Variants in POFUT2 observed in about 807,000 individuals in gnomAD.
POFUT2 encodes GDP-fucose protein O-fucosyltransferase 2.
POFUT2 carries 30 observed loss-of-function variants against 55.0 expected under a neutral mutation model. That is an observed-to-expected ratio of 0.55 (90% CI 0.41 to 0.74). The LOEUF is 0.74. Among genes scored for constraint, POFUT2 ranks in the 30% least tolerant of loss-of-function variants. The pLI, the probability that POFUT2 is intolerant of heterozygous loss-of-function variation, is 0.00. For missense variants in POFUT2, 524 were observed against 562.6 expected (o/e 0.93, Z 0.69); for synonymous variants, 267 against 231.1 (o/e 1.16, Z -1.41).
chr21:45,287,785 T>G lies in POFUT2; in HGVS notation c.87A>C (p.Gly29=). The G allele has an allele frequency of 4.0e-6, 6 of 1,491,900 alleles. No individual in the cohort carries two copies. The highest frequency in any genetic ancestry group is 4.5e-6 in the Non-Finnish European group (5 of 1,114,912). The allele number at this position is 1,491,900 out of a possible 1,614,324, so 92.4% of individuals were successfully genotyped here. A position where few individuals can be genotyped will look rare whatever the true frequency, so the allele number is the denominator to read the frequency against. Residue 29 remains glycine, a synonymous_variant, in exon 1 of 9, where the codon GGA becomes GGC. Transcript: ENST00000349485. ...CCGACAGAATATCGGCCGCCGATTG[T>G]CCGGGCCAGAACTCCTGGCCGGAGG... The part of the protein sequence containing the change: ...ASASGQEFWP[G]QSAADILSGA...
chr21:45,277,583 G>T lies in POFUT2; in HGVS notation c.706-441C>A. The T allele has an allele frequency of 4.6e-6, 1 of 218,474 alleles. No homozygotes were observed. Among genetic ancestry groups the T allele is most frequent in the Non-Finnish European group, 9.2e-6 (1 of 108,348 alleles). 13.5% of individuals were successfully genotyped at this position (218,474 alleles called of 1,614,324 possible). The stretch of plus-strand genomic sequence containing the variant: ...CTGTGTCTCCTGCAGGCAGGTTCCG[G>T]CTTTACAAGCTGCTGCCCTGGTGAA... On this transcript the variant is annotated intron_variant, in intron 5 of 8. Coordinates refer to ENST00000349485, the MANE Select transcript of POFUT2 (RefSeq NM_133635.6). The surrounding 1 kb of genome is among the most constrained non-coding windows in gnomAD (Gnocchi z 6.9).
In POFUT2 at chr21:45,283,241, G is replaced by A. The variant is rs564596466; in HGVS notation, c.527+142C>T. The A allele has an allele frequency of 4.6e-4, 204 of 447,164 alleles. 1 individual carries two copies. The highest frequency in any genetic ancestry group is 4.4e-3 in the African/African-American group (178 of 40,324). The allele number at this position is 447,164 out of a possible 1,614,324, so 27.7% of individuals were successfully genotyped here. On this transcript the variant is annotated intron_variant, in intron 3 of 8. Coordinates refer to ENST00000349485, the MANE Select transcript of POFUT2 (RefSeq NM_133635.6). ...TGAAGACACCGTGGCGGGGGGAGGC[G>A]GGGTGCTGCAGGGGGGGCGGGGGGC...
Position 45,282,785 on chromosome 21 carries a change from G to A in POFUT2, c.528-326C>T, listed in dbSNP as rs573624061. The A allele has an allele frequency of 3.9e-6, 2 of 507,046 alleles. No individual in the cohort carries two copies. Among genetic ancestry groups the A allele is most frequent in the Non-Finnish European group, 7.9e-6 (2 of 252,290 alleles). The allele number at this position is 507,046 out of a possible 1,614,324, so 31.4% of individuals were successfully genotyped here. A position where few individuals can be genotyped will look rare whatever the true frequency, so the allele number is the denominator to read the frequency against. On this transcript the variant is annotated intron_variant, in intron 3 of 8. Transcript: ENST00000349485. This position sits in a 1 kb window ranked among gnomAD's most constrained non-coding sequence, Gnocchi z 4.6. ...TGTGACCGTCAGCCAAGTCAACCGCGCCCTTCCCAAGAGCTCACCTGCCAT... is the reference window on the plus strand; with the variant it reads ...TGTGACCGTCAGCCAAGTCAACCGCACCCTTCCCAAGAGCTCACCTGCCAT...
chr21:45,269,748 A>G (rs902873299), intron 7 of POFUT2, 91 bp downstream of exon 7: 1 of 1,276,152 alleles, frequency 7.8e-7, no homozygotes, highest in African/African-American at 1.5e-5. Flanking sequence ...GACCCTGCCA[A>G]AATCCCCGTC....
intron 4 of POFUT2, among the ~76,000 whole-genome samples, chr21:45,278,393 G>A (rs1475060685): frequency 1.3e-5 from 2 of 152,184 alleles, no homozygotes; most frequent in Non-Finnish European, 2.9e-5. Flanking sequence ...TACTGTCAAC[G>A]AACAGAATGA....
chr21:45,265,306 A>G lies in POFUT2; in HGVS notation c.*176T>C. 1 of 462,580 alleles carries G rather than the reference A, an allele frequency of 2.2e-6. No individual in the cohort carries two copies. The highest frequency in any genetic ancestry group is 3.7e-6 in the Non-Finnish European group (1 of 269,954). The allele number at this position is 462,580 out of a possible 1,614,324, so 28.7% of individuals were successfully genotyped here. ...TCTTCATCAGCCATGGCGGCTGGCA[A>G]CGCCGAGGACGGAGCCCAGCTCTAG... On this transcript the variant is annotated 3_prime_UTR_variant, in exon 9 of 9. Transcript: ENST00000349485. The surrounding 1 kb of genome is among the most constrained non-coding windows in gnomAD (Gnocchi z 4.6).
At position 45,285,323 on chromosome 21, in the gene POFUT2, G is replaced by C; in HGVS notation, c.382+355C>G. 2.8e-6 allele frequency: 1 copy of C among 351,772 alleles called. No individual in the cohort carries two copies. The highest frequency in any genetic ancestry group is 2.4e-5 in the South Asian group (1 of 41,332). The allele number at this position is 351,772 out of a possible 1,614,324, so 21.8% of individuals were successfully genotyped here. A position where few individuals can be genotyped will look rare whatever the true frequency, so the allele number is the denominator to read the frequency against. The stretch of plus-strand genomic sequence containing the variant: ...ACGAAGCATACTCCACACGCAGTGC[G>C]TCTTCCTGAACGTAAAACAGCCTTT... On this transcript the variant is annotated intron_variant, in intron 2 of 8. Transcript: ENST00000349485. The surrounding 1 kb of genome is among the most constrained non-coding windows in gnomAD (Gnocchi z 4.9).
rs540064599 is a variant in POFUT2, at chr21:45,265,823, G to A, written c.1137-188C>T. On this transcript the variant is annotated intron_variant, in intron 8 of 8. Coordinates refer to ENST00000349485, the MANE Select transcript of POFUT2 (RefSeq NM_133635.6). This position sits in a 1 kb window ranked among gnomAD's most constrained non-coding sequence, Gnocchi z 4.6. ...TGGCACCCCTCGCTCAGGTGCCCTC[G>A]ACATCGGCGCCCTGAGGGGCTCTGC... The A allele has an allele frequency of 8.2e-5, 116 of 1,407,208 alleles. 1 individual carries two copies. The highest frequency in any genetic ancestry group is 1.2e-4 in the South Asian group (8 of 66,626). 87.2% of individuals were successfully genotyped at this position (1,407,208 alleles called of 1,614,324 possible).
At position 45,287,731 on chromosome 21, in the gene POFUT2, G is replaced by A; in HGVS notation, c.131+10C>T. 3 of 1,329,110 alleles carry A rather than the reference G, an allele frequency of 2.3e-6. No individual in the cohort carries two copies. The highest frequency in any genetic ancestry group is 2.9e-6 in the Non-Finnish European group (3 of 1,021,094). The allele number at this position is 1,329,110 out of a possible 1,614,324, so 82.3% of individuals were successfully genotyped here. ...GAACCCCAGCGTTGGCACCGTGGAC[G>A]CGCGTTTACCGTCTGCGGGAAGCCG... On this transcript the variant is annotated intron_variant, in intron 1 of 8. Coordinates refer to ENST00000349485, the MANE Select transcript of POFUT2 (RefSeq NM_133635.6).
rs1247818206 is a variant in POFUT2 at position 45,285,148 on chromosome 21, T to G, written c.382+530A>C. 3 of 165,914 alleles carry G rather than the reference T, an allele frequency of 1.8e-5. No homozygotes were observed. Among genetic ancestry groups the G allele is most frequent in the Non-Finnish European group, 3.9e-5 (3 of 76,166 alleles). 10.3% of individuals were successfully genotyped at this position (165,914 alleles called of 1,614,324 possible). ...TGCAGCAGCAAAGCATCACTTACCT[T>G]TATCTCTTCCAAACAACGCAACACA... On this transcript the variant is annotated intron_variant, in intron 2 of 8. Coordinates refer to ENST00000349485, the MANE Select transcript of POFUT2 (RefSeq NM_133635.6). The surrounding 1 kb of genome is among the most constrained non-coding windows in gnomAD (Gnocchi z 4.9).
rs1024010143 is a variant in POFUT2 at position 45,281,881 on chromosome 21, C to G, written c.638+468G>C. 6.6e-6 allele frequency among the ~76,000 whole-genome samples: 1 copy of G among 152,100 alleles called. No individual in the cohort carries two copies. The highest frequency in any genetic ancestry group is 1.5e-5 in the Non-Finnish European group (1 of 68,018). ...TCCTGGGTGGACCCTCGAGGCCCAG[C>G]TCACCAGGCCGGCGACCACTTGAGG... On this transcript the variant is annotated intron_variant, in intron 4 of 8. Coordinates refer to ENST00000349485, the MANE Select transcript of POFUT2 (RefSeq NM_133635.6). The surrounding 1 kb of genome is among the most constrained non-coding windows in gnomAD (Gnocchi z 5.0).
chr21:45,285,961 A>C lies in POFUT2; in HGVS notation c.132-33T>G. The C allele has an allele frequency of 6.4e-7, 1 of 1,569,890 alleles. No homozygotes were observed. Among genetic ancestry groups the C allele is most frequent in the African/African-American group, 1.4e-5 (1 of 73,818 alleles). The stretch of plus-strand genomic sequence containing the variant: ...GGGAGAAGGAGGACCACAGGTCTCA[A>C]ATGCTGAGGTTTCTGCACGGAAAAC... On this transcript the variant is annotated intron_variant, in intron 1 of 8. Coordinates refer to ENST00000349485, the MANE Select transcript of POFUT2 (RefSeq NM_133635.6). This position sits in a 1 kb window ranked among gnomAD's most constrained non-coding sequence, Gnocchi z 4.9.
Position 45,267,363 on chromosome 21 carries a change from G to A in POFUT2, c.1136+227C>T, listed in dbSNP as rs566792741. ...GCCAGCTATGCCAACAGCCTGCTAT[G>A]GAGGAATTCTGTGCATGAGAACTAA... On this transcript the variant is annotated intron_variant, in intron 8 of 8. Coordinates refer to ENST00000349485, the MANE Select transcript of POFUT2 (RefSeq NM_133635.6). This position sits in a 1 kb window ranked among gnomAD's most constrained non-coding sequence, Gnocchi z 4.4. 7 of 1,565,856 alleles carry A rather than the reference G, an allele frequency of 4.5e-6. No homozygotes were observed. The highest frequency in any genetic ancestry group is 6.1e-6 in the Non-Finnish European group (7 of 1,156,106).
chr21:45,271,150 C>A (rs80123351), intron 6 of POFUT2, among the ~76,000 whole-genome samples: 33 of 150,218 alleles, frequency 2.2e-4, no homozygotes, highest in African/African-American at 7.1e-4. Flanking sequence ...AAAAAAAAAA[C>A]AACAACAACA....
Position 45,270,320 on chromosome 21 carries a change from G to A in POFUT2, c.832-301C>T, listed in dbSNP as rs191559514. 4.9e-3 allele frequency among the ~76,000 whole-genome samples: 744 copies of A among 152,172 alleles called. 2 individuals carry two copies. The highest frequency in any genetic ancestry group is 0.014 in the Middle Eastern group (4 of 294). On this transcript the variant is annotated intron_variant, in intron 6 of 8. Coordinates refer to ENST00000349485, the MANE Select transcript of POFUT2 (RefSeq NM_133635.6). This position sits in a 1 kb window ranked among gnomAD's most constrained non-coding sequence, Gnocchi z 4.6. ...GTGAACTTTTCCTCCGAGAACCACC[G>A]CAGGGACGTGCCACAAAGAGTTCAC...
intron 4 of POFUT2, among the ~76,000 whole-genome samples, chr21:45,280,290 T>A (rs914394761): frequency 3.3e-5 from 5 of 152,184 alleles, no homozygotes; most frequent in African/African-American, 1.2e-4. Flanking sequence ...CATTTATCTT[T>A]TTCTTTTTTT....
rs1048481512 is a variant in POFUT2 at position 45,284,171 on chromosome 21, C to T, written c.383-644G>A. On this transcript the variant is annotated intron_variant, in intron 2 of 8. Coordinates refer to ENST00000349485, the MANE Select transcript of POFUT2 (RefSeq NM_133635.6). The surrounding 1 kb of genome is among the most constrained non-coding windows in gnomAD (Gnocchi z 5.8). Reference sequence around the variant, plus strand: ...GCAGGAACAAAGCGGGAGGGAGCACCGCGCAGGTGAAATTCTGGGGCAGGA... The same window carrying T: ...GCAGGAACAAAGCGGGAGGGAGCACTGCGCAGGTGAAATTCTGGGGCAGGA... Among the ~76,000 whole-genome samples, 4 of 151,332 alleles carry T rather than the reference C, an allele frequency of 2.6e-5. No individual in the cohort carries two copies. Among genetic ancestry groups the T allele is most frequent in the Admixed American group, 6.6e-5 (1 of 15,178 alleles).
In POFUT2 at chr21:45,276,901, C is replaced by T. The variant is rs1353206227; in HGVS notation, c.831+116G>A. 5 of 1,138,630 alleles carry T rather than the reference C, an allele frequency of 4.4e-6. No homozygotes were observed. In the African/African-American group the frequency reaches 4.6e-5, roughly 10 times the overall value. 70.5% of individuals were successfully genotyped at this position (1,138,630 alleles called of 1,614,324 possible). ...CTCACATTCCAGAGAGGCGCCGAGG[C>T]ATCCACGCCCACAGACACGCCAACC... is the stretch of plus-strand genomic sequence containing the variant. On this transcript the variant is annotated intron_variant, in intron 6 of 8. Transcript: ENST00000349485.
At position 45,267,404 on chromosome 21, in the gene POFUT2, A is replaced by T. The variant is rs774888173; in HGVS notation, c.1136+186T>A. On this transcript the variant is annotated intron_variant, in intron 8 of 8. Coordinates refer to ENST00000349485, the MANE Select transcript of POFUT2 (RefSeq NM_133635.6). The surrounding 1 kb of genome is among the most constrained non-coding windows in gnomAD (Gnocchi z 4.4). Reference sequence around the variant, plus strand: ...TGAGAACTAAAGGGGCAAGATGAACAATTAACTTCAGCCCAGGGAAACACT... The same window carrying T: ...TGAGAACTAAAGGGGCAAGATGAACTATTAACTTCAGCCCAGGGAAACACT... 12 of 1,605,298 alleles carry T rather than the reference A, an allele frequency of 7.5e-6. No individual in the cohort carries two copies. The highest frequency in any genetic ancestry group is 1.0e-5 in the Non-Finnish European group (12 of 1,174,276).
Sources: gnomAD v4.1 joint callset for allele counts (sites outside exome capture counted in the v4.1 genomes callset) on GRCh38, gnomAD v4.1.1 for gene constraint, Gnocchi (gnomAD v3.1) non-coding constraint, MANE v1.5 for transcripts, NCBI Gene and HGNC (gene_info 2026-07-23, HGNC 2026-07-21) for gene names.